The following PCDH11X variants were observed in gnomAD, a reference collection of about 807,000 sequenced individuals.
PCDH11X encodes the protein protocadherin-11 X-linked.
In PCDH11X, 18 loss-of-function variants were observed where a neutral mutation model predicts 53.3. The observed-to-expected ratio is 0.34, with a 90% CI of 0.23 to 0.50. PCDH11X has a LOEUF of 0.50. Among genes scored for constraint, PCDH11X ranks in the 20% least tolerant of loss-of-function variants. The probability of loss-of-function intolerance (pLI) is 0.98; values close to 1 mark genes in which losing one functional copy is unlikely to be tolerated. For missense variants in PCDH11X, 570 were observed against 1,032.4 expected, an observed-to-expected ratio of 0.55 and a Z score of 6.14; for synonymous variants, 279 against 393.3, an observed-to-expected ratio of 0.71 and a Z score of 3.44.
intron 7 of PCDH11X, among the ~76,000 whole-genome samples, chrX:92,237,931 G>A (rs988400626): frequency 9.0e-6 from 1 of 111,638 alleles, no homozygotes; most frequent in African/African-American, 3.2e-5. Context: ...CCTACTAATG[G>A]CATTAATCTG....
chrX:92,242,096 TCA>T (rs2067271880), intron 7 of PCDH11X, among the ~76,000 whole-genome samples: 1 of 98,315 alleles, frequency 1.0e-5, no homozygotes, highest in Non-Finnish European at 2.1e-5. Flanking sequence ...AACCTCCATC[TCA>T]AAAAAAAAAA....
chrX:92,175,276 C>T (rs772688634), intron 6 of PCDH11X, among the ~76,000 whole-genome samples: 3 of 111,670 alleles, frequency 2.7e-5, no homozygotes, highest in East Asian at 2.8e-4. Context: ...CGCACCCAGC[C>T]GTAATTTACA....
intron 10 of PCDH11X, among the ~76,000 whole-genome samples, chrX:92,584,789 CTTTTTTTT>C (rs1171667582): frequency 1.5e-5 from 1 of 65,113 alleles, no homozygotes; most frequent in South Asian, 9.4e-4. Context: ...TCTTTTTTTC[CTTTTTTTT>C]TTTTTTTTTT....
chrX:92,583,995 T>C (rs768875261), intron 10 of PCDH11X, among the ~76,000 whole-genome samples: 9 of 109,212 alleles, frequency 8.2e-5, no homozygotes, highest in African/African-American at 2.7e-4. Context: ...CTTGGAAAAA[T>C]CACAATATTT....
chrX:92,422,168 T>G (rs1321932689), intron 9 of PCDH11X, among the ~76,000 whole-genome samples: 2 of 107,948 alleles, frequency 1.9e-5, no homozygotes, highest in Non-Finnish European at 3.8e-5. Context: ...TTATTTCACA[T>G]TTTATTTCCA....
intron 10 of PCDH11X, among the ~76,000 whole-genome samples, chrX:92,469,241 A>G (rs1395370283): frequency 3.7e-5 from 4 of 107,676 alleles, no homozygotes; most frequent in Non-Finnish European, 3.9e-5. Flanking sequence ...TTTAATTTTG[A>G]CATATTAGCA....
intron 6 of PCDH11X, among the ~76,000 whole-genome samples, chrX:92,059,175 AG>A (rs1430467881): frequency 2.8e-5 from 3 of 107,734 alleles, no homozygotes; most frequent in Non-Finnish European, 5.8e-5. Flanking sequence ...GCTGATAAAA[AG>A]TTCCAGTTAA....
chrX:92,193,449 A>G (rs940095533), intron 6 of PCDH11X, among the ~76,000 whole-genome samples: 1 of 111,229 alleles, frequency 9.0e-6, no homozygotes, highest in African/African-American at 3.3e-5. Context: ...TGTAGGGGCT[A>G]GTTAAATCTT....
Position 92,276,344 on chromosome X carries a change from CAAG to C in PCDH11X, c.3144+13205_3144+13207del, listed in dbSNP as rs1411327416. Among the ~76,000 whole-genome samples the C allele has an allele frequency of 3.4e-4, 37 of 107,860 alleles. 1 individual carries two copies. Among genetic ancestry groups the C allele is most frequent in the African/African-American group, 1.1e-3 (34 of 29,638 alleles). 93.7% of individuals were successfully genotyped at this position (107,860 alleles called of 115,157 possible). On this transcript the variant is annotated intron_variant, in intron 8 of 10. Coordinates refer to ENST00000682573, the MANE Select transcript of PCDH11X (RefSeq NM_032968.5). ...CAGCATCAGTCTTTAGCCATTAAGCCAAGAAGGAGTCAGTCAGAGAGCCTTGGG... is the reference window on the plus strand; with the variant it reads ...CAGCATCAGTCTTTAGCCATTAAGCCAAGGAGTCAGTCAGAGAGCCTTGGG...
intron 6 of PCDH11X, among the ~76,000 whole-genome samples, chrX:91,963,563 C>A (rs1015779876): frequency 9.0e-6 from 1 of 111,426 alleles, no homozygotes; most frequent in African/African-American, 3.3e-5. Flanking sequence ...TCAAACTTTC[C>A]CACCTCTTTC....
intron 1 of PCDH11X, among the ~76,000 whole-genome samples, chrX:91,797,116 AG>A (rs1935762544): frequency 9.1e-6 from 1 of 109,740 alleles, no homozygotes; most frequent in African/African-American, 3.3e-5. Flanking sequence ...GAAACATAAA[AG>A]TACATCAGTT....
intron 6 of PCDH11X, among the ~76,000 whole-genome samples, chrX:91,957,213 C>T (rs2061721589): frequency 1.8e-5 from 2 of 109,981 alleles, no homozygotes; most frequent in African/African-American, 6.7e-5. Flanking sequence ...GCTCCTTTAG[C>T]TCAATGTGGT....
Position 91,877,912 on chromosome X carries a change from G to GA in PCDH11X, c.1672_1673insA (p.Val558AspfsTer5). 1 of 1,211,805 alleles carries GA rather than the reference G, an allele frequency of 8.3e-7. No individual in the cohort carries two copies. Among genetic ancestry groups the GA allele is most frequent in the Non-Finnish European group, 1.1e-6 (1 of 895,476 alleles). ...CTTAACCAGCAATGTCACAGTCTTTGTAAGCATTATTGATCAGAATGACAA... is the reference window on the plus strand; with the variant it reads ...CTTAACCAGCAATGTCACAGTCTTTGATAAGCATTATTGATCAGAATGACAA... On this transcript the variant is annotated frameshift_variant, in exon 6 of 11. Transcript: ENST00000682573. LOFTEE classifies it high-confidence loss of function.
intron 8 of PCDH11X, 120 bp from the exon 9 acceptor site, chrX:92,387,615 C>T (rs1219935891): frequency 1.8e-5 from 20 of 1,113,596 alleles, no homozygotes; most frequent in Non-Finnish European, 2.4e-5. Context: ...TTGTTCACAA[C>T]TCAAGATAAT....
At chrX:92,070,185 C>T (rs12847572) in intron 6 of PCDH11X, among the ~76,000 whole-genome samples, 4 of 111,650 alleles carry the variant, frequency 3.6e-5, no homozygotes, top group African/African-American at 9.8e-5. Flanking sequence ...CTTTCTATTT[C>T]GAGTAAGAGT....
rs1176433545 is a variant in PCDH11X, at chrX:92,083,963, C to T, written c.3034-117412C>T. ...ATTAGCCGGGTGTGGTGGTGCATGC[C>T]TGTAATCCCAGCTACTCAAGAGGCT... On this transcript the variant is annotated intron_variant, in intron 6 of 10. Coordinates refer to ENST00000682573, the MANE Select transcript of PCDH11X (RefSeq NM_032968.5). Among the ~76,000 whole-genome samples the T allele has an allele frequency of 3.7e-5, 4 of 109,434 alleles. No homozygotes were observed. The South Asian group carries it at 1.2e-3, about 33-fold the overall frequency.
intron 10 of PCDH11X, among the ~76,000 whole-genome samples, chrX:92,480,644 A>G (rs1198858307): frequency 9.1e-6 from 1 of 110,277 alleles, no homozygotes; most frequent in African/African-American, 3.3e-5. Flanking sequence ...CTTCTATACT[A>G]CGTGCTGTAA....
At position 91,927,637 on chromosome X, in the gene PCDH11X, C is replaced by T. The variant is rs776519343; in HGVS notation, c.3033+48364C>T. Among the ~76,000 whole-genome samples the T allele has an allele frequency of 4.5e-5, 5 of 111,944 alleles. No individual in the cohort carries two copies. In the South Asian group the frequency reaches 1.1e-3, roughly 25 times the overall value. ...AGAGCTTTCATGTCCAAATCTTTCA[C>T]TTTATCAATGAGGAATCTTAGGAAA... On this transcript the variant is annotated intron_variant, in intron 6 of 10. Coordinates refer to ENST00000682573, the MANE Select transcript of PCDH11X (RefSeq NM_032968.5).
Position 92,354,848 on chromosome X carries a change from G to T in PCDH11X, c.3145-32887G>T, listed in dbSNP as rs2070152314. 2.7e-5 allele frequency among the ~76,000 whole-genome samples: 3 copies of T among 111,366 alleles called. No individual in the cohort carries two copies. In the Admixed American group the frequency reaches 2.9e-4, roughly 11 times the overall value. ...AAAGAGAGAAATTCAGCATCATAAAGCTGTAAACGCCTTGATAAATGTGAG... is the reference window on the plus strand; with the variant it reads ...AAAGAGAGAAATTCAGCATCATAAATCTGTAAACGCCTTGATAAATGTGAG... On this transcript the variant is annotated intron_variant, in intron 8 of 10. Coordinates refer to ENST00000682573, the MANE Select transcript of PCDH11X (RefSeq NM_032968.5).
Sources: allele counts gnomAD v4.1 joint callset (sites outside exome capture counted in the v4.1 genomes callset), GRCh38; gene constraint gnomAD v4.1.1; transcripts MANE v1.5; gene names NCBI Gene and HGNC (gene_info 2026-07-23, HGNC 2026-07-21).